DGKB: variants seen among roughly 807,000 people sequenced by gnomAD.
DGKB encodes 90 kDa diacylglycerol kinase.
Under a neutral mutation model 114.3 loss-of-function variants are expected in DGKB, and 67 were observed. The observed-to-expected ratio is 0.59, with a 90% CI of 0.48 to 0.72. DGKB has a LOEUF of 0.72. DGKB is among the 30% of genes least tolerant of loss of function. DGKB has a pLI of 0.00. For synonymous variants in DGKB, 398 were observed against 323.1 expected (o/e 1.23, Z -2.49); for missense variants, 907 against 975.2 (o/e 0.93, Z 0.93).
intron 4 of DGKB, among the ~76,000 whole-genome samples, chr7:14,736,608 G>A (rs1831763113): frequency 6.6e-6 from 1 of 152,188 alleles, no homozygotes; most frequent in African/African-American, 2.4e-5. Flanking sequence ...CAGGCACTCA[G>A]AGAGAAAGGA....
chr7:14,747,897 T>A (rs1347179385), intron 4 of DGKB, among the ~76,000 whole-genome samples: 1 of 152,128 alleles, frequency 6.6e-6, no homozygotes, highest in Non-Finnish European at 1.5e-5. Flanking sequence ...TAAAGAAGAC[T>A]GACTGAGGGA....
At chr7:14,770,952 A>G (rs1837316860) in intron 2 of DGKB, among the ~76,000 whole-genome samples, 1 of 152,020 alleles carries the variant, frequency 6.6e-6, no homozygotes, top group Admixed American at 6.6e-5. Context: ...GTAAGAAGAT[A>G]ATGAAGGAAT....
intron 21 of DGKB, among the ~76,000 whole-genome samples, chr7:14,349,002 TAGC>T (rs1467374942): frequency 2.6e-5 from 4 of 152,052 alleles, no homozygotes; most frequent in Non-Finnish European, 4.4e-5. Flanking sequence ...AGAAGTTTAT[TAGC>T]AGAGGGGTGA....
In DGKB at chr7:14,541,288, C is replaced by T. The variant is rs142196787; in HGVS notation, c.1770+32924G>A. On this transcript the variant is annotated intron_variant, in intron 20 of 25. Coordinates refer to ENST00000402815, the MANE Select transcript of DGKB (RefSeq NM_001350709.2). ...TAAACATCATTTACAAACATTAGGT[C>T]AGCTATCAATATCACTTCATTTGTG... Among the ~76,000 whole-genome samples, 4 of 152,208 alleles carry T rather than the reference C, an allele frequency of 2.6e-5. No homozygotes were observed. In the East Asian group the frequency reaches 5.8e-4, roughly 22 times the overall value.
At chr7:14,314,086 GA>G (rs1320145964) in intron 23 of DGKB, among the ~76,000 whole-genome samples, 1 of 152,058 alleles carries the variant, frequency 6.6e-6, no homozygotes, top group African/African-American at 2.4e-5. Flanking sequence ...CTGTTAGAAG[GA>G]AAACTAACAA....
chr7:14,696,934 G>A (rs1431049587), intron 8 of DGKB, among the ~76,000 whole-genome samples: 1 of 152,182 alleles, frequency 6.6e-6, no homozygotes, highest in Non-Finnish European at 1.5e-5. Flanking sequence ...TTACCGCATA[G>A]ATGTGAACAG....
At chr7:14,604,249 C>T (rs972790621) in intron 17 of DGKB, among the ~76,000 whole-genome samples, 1 of 151,958 alleles carries the variant, frequency 6.6e-6, no homozygotes, top group African/African-American at 2.4e-5. Flanking sequence ...AATACACACC[C>T]ATTTCTGTTT....
chr7:14,426,677 T>A (rs1000358615), intron 21 of DGKB, among the ~76,000 whole-genome samples: 1 of 152,142 alleles, frequency 6.6e-6, no homozygotes, highest in Non-Finnish European at 1.5e-5. Flanking sequence ...AGGCTAGACA[T>A]ACTGATGGAA....
At chr7:14,443,777 G>A (rs1830380951) in intron 21 of DGKB, among the ~76,000 whole-genome samples, 1 of 151,936 alleles carries the variant, frequency 6.6e-6, no homozygotes, top group Admixed American at 6.6e-5. Flanking sequence ...TTTTGAGGTG[G>A]TGTGATTCTG....
chr7:14,593,541 A>C (rs1802031563), intron 17 of DGKB, among the ~76,000 whole-genome samples: 1 of 152,002 alleles, frequency 6.6e-6, no homozygotes, highest in African/African-American at 2.4e-5. Flanking sequence ...TATAGAAAAT[A>C]TTTATAATTT....
At chr7:14,881,948 C>G (rs1456660400) in intron 1 of DGKB, among the ~76,000 whole-genome samples, 1 of 152,018 alleles carries the variant, frequency 6.6e-6, no homozygotes, top group African/African-American at 2.4e-5. Context: ...AATCTCACAT[C>G]TCTTAATTTT....
At chr7:14,471,177 A>ATG (rs1301381011) in intron 21 of DGKB, among the ~76,000 whole-genome samples, 2 of 65,894 alleles carry the variant, frequency 3.0e-5, no homozygotes, top group African/African-American at 8.4e-5. Context: ...TATGGAATAT[A>ATG]TGTATATATA....
At chr7:14,932,361 T>C (rs1426458890) in intron 1 of DGKB, among the ~76,000 whole-genome samples, 8 of 152,308 alleles carry the variant, frequency 5.3e-5, no homozygotes, top group East Asian at 1.9e-4. Context: ...GAAAGTGTGA[T>C]TGACCACACA....
intron 2 of DGKB, among the ~76,000 whole-genome samples, chr7:14,769,823 C>T (rs1446237992): frequency 6.6e-6 from 1 of 152,000 alleles, no homozygotes; most frequent in Non-Finnish European, 1.5e-5. Flanking sequence ...CAATCTCTGC[C>T]CTGTCGTCAC....
Position 14,711,591 on chromosome 7 carries a change from G to A in DGKB, c.466+6951C>T, listed in dbSNP as rs572815957. Among the ~76,000 whole-genome samples the A allele has an allele frequency of 3.1e-3, 475 of 152,196 alleles. 1 individual carries two copies. The highest frequency in any genetic ancestry group is 0.011 in the African/African-American group (456 of 41,556). On this transcript the variant is annotated intron_variant, in intron 6 of 25. Transcript: ENST00000402815. ...GGAGAAAACACTAACACAATTTTCA[G>A]GAGCTGGAGAAAATATGTACACATG...
chr7:14,855,279 G>A (rs1849968848), intron 1 of DGKB, among the ~76,000 whole-genome samples: 1 of 152,164 alleles, frequency 6.6e-6, no homozygotes, highest in Admixed American at 6.5e-5. Flanking sequence ...AAATCACACA[G>A]TGACATTGAC....
At chr7:14,600,171 T>C (rs1022291193) in intron 17 of DGKB, among the ~76,000 whole-genome samples, 9 of 152,156 alleles carry the variant, frequency 5.9e-5, no homozygotes, top group African/African-American at 2.2e-4. Context: ...GGATGAATGC[T>C]GTATCTTCAC....
At chr7:14,900,481 T>C (rs1732761502) in intron 1 of DGKB, among the ~76,000 whole-genome samples, 1 of 152,110 alleles carries the variant, frequency 6.6e-6, no homozygotes, top group South Asian at 2.1e-4. Flanking sequence ...ATTTCAAGCC[T>C]ATAGATCACA....
At chr7:14,175,014 A>G (rs1781516639) in intron 25 of DGKB, among the ~76,000 whole-genome samples, 1 of 152,260 alleles carries the variant, frequency 6.6e-6, no homozygotes, top group African/African-American at 2.4e-5. Context: ...TTGAGCCAGT[A>G]GTTTCAGAGT....
Sources: allele counts gnomAD v4.1 joint callset (sites outside exome capture counted in the v4.1 genomes callset), GRCh38; gene constraint gnomAD v4.1.1; transcripts MANE v1.5; gene names NCBI Gene and HGNC (gene_info 2026-07-23, HGNC 2026-07-21).